The following CTNNBL1 variants were observed in gnomAD, a reference collection of about 807,000 sequenced individuals.
The protein encoded by CTNNBL1 is beta-catenin-like protein 1.
Under a neutral mutation model 72.7 loss-of-function variants are expected in CTNNBL1, and 31 were observed. The observed-to-expected ratio is 0.43, with a 90% CI of 0.32 to 0.58. The LOEUF (loss-of-function observed/expected upper bound fraction) is 0.58, where lower values mean the gene tolerates loss of function less well. Among genes scored for constraint, CTNNBL1 ranks in the 20% least tolerant of loss-of-function variants. CTNNBL1 has a pLI of 0.08. For synonymous variants in CTNNBL1, 240 were observed against 267.3 expected (o/e 0.90, Z 1.00); for missense variants, 534 against 725.1 (o/e 0.74, Z 3.03).
At chr20:37,794,759 C>T (rs1412436936) in intron 10 of CTNNBL1, among the ~76,000 whole-genome samples, 1 of 152,064 alleles carries the variant, frequency 6.6e-6, no homozygotes, top group African/African-American at 2.4e-5. Flanking sequence ...GCCTCAGTCT[C>T]CCAAAGTGCT....
At chr20:37,745,803 G>T (rs1438957963) in intron 3 of CTNNBL1, among the ~76,000 whole-genome samples, 1 of 152,184 alleles carries the variant, frequency 6.6e-6, no homozygotes. Context: ...CAAACACCGG[G>T]GGAGGGCATG....
chr20:37,833,773 C>T (rs1029216482), intron 11 of CTNNBL1, among the ~76,000 whole-genome samples: 10 of 152,162 alleles, frequency 6.6e-5, no homozygotes, highest in Non-Finnish European at 1.3e-4. Flanking sequence ...TGTTATCTTG[C>T]CTGCTCCCTG....
intron 10 of CTNNBL1, among the ~76,000 whole-genome samples, chr20:37,800,035 G>T (rs148740141): frequency 6.6e-6 from 1 of 152,218 alleles, no homozygotes; most frequent in African/African-American, 2.4e-5. Context: ...ACCCAGGATA[G>T]CACTCTTTGT....
chr20:37,724,974 T>C lies in CTNNBL1; in HGVS notation c.31-7905T>C, dbSNP rs6122921. Reference sequence around the variant, plus strand: ...TCACCCAGACTGGAATACAGTGGCATGACCTTGGCTTACTGCAGCCTCCTG... The same window carrying C: ...TCACCCAGACTGGAATACAGTGGCACGACCTTGGCTTACTGCAGCCTCCTG... On this transcript the variant is annotated intron_variant, in intron 1 of 15. Transcript: ENST00000361383. 2.7e-3 allele frequency among the ~76,000 whole-genome samples: 411 copies of C among 150,080 alleles called. 4 individuals are homozygous for C. The highest frequency in any genetic ancestry group is 0.017 in the East Asian group (84 of 5,072).
chr20:37,860,034 C>G lies in CTNNBL1; in HGVS notation c.1528C>G (p.Gln510Glu), dbSNP rs1600534841. ...MAEICNANVP[Q>E]IRQRVHQILN... ...CGAGATCTGCAATGCCAATGTCCCC[C>G]AGGTAGGAGGGTCTTCCCCTGGATG... The change falls in exon 14 of 16, where the codon CAG (glutamine) becomes GAG (glutamate). Residue 510 changes from glutamine (Q) to glutamate (E), a missense_variant and splice_region_variant. Gln to Glu is a conservative substitution (Grantham distance 29). Coordinates refer to ENST00000361383, the MANE Select transcript of CTNNBL1 (RefSeq NM_030877.5). The G allele has an allele frequency of 2.5e-6, 4 of 1,614,146 alleles. No individual in the cohort carries two copies. The Middle Eastern group carries it at 6.6e-4, about 266-fold the overall frequency.
At chr20:37,720,905 A>T (rs2073034896) in intron 1 of CTNNBL1, among the ~76,000 whole-genome samples, 1 of 152,200 alleles carries the variant, frequency 6.6e-6, no homozygotes, top group Admixed American at 6.5e-5. Flanking sequence ...ATTCACACAT[A>T]CATTGTGTGC....
At chr20:37,848,403 G>C (rs550871886) in intron 13 of CTNNBL1, among the ~76,000 whole-genome samples, 17 of 152,138 alleles carry the variant, frequency 1.1e-4, no homozygotes, top group Non-Finnish European at 2.4e-4. Flanking sequence ...CAAACCTCAT[G>C]CCTCAGCCTC....
chr20:37,695,211 T>A (rs2072780452), intron 1 of CTNNBL1, among the ~76,000 whole-genome samples: 1 of 152,208 alleles, frequency 6.6e-6, no homozygotes, highest in Admixed American at 6.5e-5. Flanking sequence ...TAAAATTTTA[T>A]TTTATTGTTA....
Position 37,820,722 on chromosome 20 carries a change from C to T in CTNNBL1, c.1213+17674C>T, listed in dbSNP as rs377698653. Among the ~76,000 whole-genome samples, 147 of 152,278 alleles carry T rather than the reference C, an allele frequency of 9.7e-4. 2 individuals carry two copies. The highest frequency in any genetic ancestry group is 3.3e-3 in the African/African-American group (139 of 41,540). Reference sequence around the variant, plus strand: ...GAAGGTGCTTGCTTCCCCTTCACCTCCTGCCATGATTGTAAGTTTCCTGAG... The same window carrying T: ...GAAGGTGCTTGCTTCCCCTTCACCTTCTGCCATGATTGTAAGTTTCCTGAG... On this transcript the variant is annotated intron_variant, in intron 11 of 15. Transcript: ENST00000361383.
At chr20:37,871,884 A>G in intron 15 of CTNNBL1, 41 bp from the exon 16 acceptor site, 2 of 1,560,964 alleles carry the variant, frequency 1.3e-6, no homozygotes, top group East Asian at 2.2e-5. Flanking sequence ...GGTGGATGCC[A>G]TGCCTGGGAT....
intron 12 of CTNNBL1, among the ~76,000 whole-genome samples, chr20:37,840,597 G>C (rs1351728953): frequency 1.3e-5 from 2 of 152,198 alleles, no homozygotes; most frequent in African/African-American, 4.8e-5. Flanking sequence ...AGTTTCACCA[G>C]CTTCAACATG....
At chr20:37,817,871 C>T (rs1347105688) in intron 11 of CTNNBL1, among the ~76,000 whole-genome samples, 2 of 152,212 alleles carry the variant, frequency 1.3e-5, no homozygotes, top group Non-Finnish European at 2.9e-5. Flanking sequence ...CTTCCCTTCT[C>T]ACATACCTGG....
rs80213845 is a variant in CTNNBL1, at chr20:37,785,614, C to T, written c.1031+6279C>T. On this transcript the variant is annotated intron_variant, in intron 10 of 15. Transcript: ENST00000361383. ...GATTCATTTTAACTATTTCAATATC[C>T]GTAAAATGTAATAGGATTTTGCGTT... is the stretch of plus-strand genomic sequence containing the variant. Among the ~76,000 whole-genome samples, 1,518 of 152,194 alleles carry T rather than the reference C, an allele frequency of 1.0e-2. 27 individuals carry two copies. The highest frequency in any genetic ancestry group is 0.033 in the African/African-American group (1,384 of 41,518).
intron 5 of CTNNBL1, among the ~76,000 whole-genome samples, chr20:37,758,686 C>T (rs1258388392): frequency 6.6e-6 from 1 of 152,262 alleles, no homozygotes; most frequent in Non-Finnish European, 1.5e-5. Flanking sequence ...TATCCCTCCT[C>T]AAGGCTCTGT....
At chr20:37,828,429 T>C (rs1171519150) in intron 11 of CTNNBL1, among the ~76,000 whole-genome samples, 3 of 152,158 alleles carry the variant, frequency 2.0e-5, no homozygotes, top group Non-Finnish European at 2.9e-5. Context: ...ATTTTAACTC[T>C]TGAGGAAAAC....
intron 13 of CTNNBL1, chr20:37,847,811 A>G (rs1320391424): frequency 6.5e-6 from 1 of 152,702 alleles, no homozygotes; most frequent in East Asian, 1.9e-4. Flanking sequence ...ATGACTTACA[A>G]ATTGCATGCT....
chr20:37,752,923 G>A (rs2073333740), intron 4 of CTNNBL1, among the ~76,000 whole-genome samples: 1 of 152,094 alleles, frequency 6.6e-6, no homozygotes, highest in South Asian at 2.1e-4. Flanking sequence ...TACTTGGACA[G>A]AAGAGCCTTT....
chr20:37,708,485 G>A (rs774296454), intron 1 of CTNNBL1, among the ~76,000 whole-genome samples: 4 of 152,102 alleles, frequency 2.6e-5, no homozygotes, highest in Non-Finnish European at 5.9e-5. Context: ...AGACTTTCTT[G>A]ATGCGGGGTT....
chr20:37,748,031 ACAGGGTTATGTT>A (rs2073283527), intron 4 of CTNNBL1, among the ~76,000 whole-genome samples: 1 of 152,180 alleles, frequency 6.6e-6, no homozygotes, highest in Non-Finnish European at 1.5e-5. Flanking sequence ...GTGCCTGTGG[ACAGGGTTATGTT>A]CATTAAACCA....
Sources: allele counts gnomAD v4.1 joint callset (sites outside exome capture counted in the v4.1 genomes callset), GRCh38; gene constraint gnomAD v4.1.1; transcripts MANE v1.5; gene names NCBI Gene and HGNC (gene_info 2026-07-23, HGNC 2026-07-21).